The following AOAH variants were observed in gnomAD, a reference collection of about 807,000 sequenced individuals.
AOAH encodes acyloxyacyl hydrolase (neutrophil).
Under a neutral mutation model 92.2 loss-of-function variants are expected in AOAH, and 64 were observed. That is an observed-to-expected ratio of 0.69 (90% CI 0.57 to 0.86). The LOEUF (loss-of-function observed/expected upper bound fraction) is 0.86, where lower values mean the gene tolerates loss of function less well. AOAH is among the 40% of genes least tolerant of loss of function. The probability of loss-of-function intolerance (pLI) is 0.00; values close to 1 mark genes in which losing one functional copy is unlikely to be tolerated. For synonymous variants in AOAH, 263 were observed against 254.5 expected (o/e 1.03, Z -0.32); for missense variants, 656 against 694.6 (o/e 0.94, Z 0.62).
rs74489494 is a variant in AOAH at position 36,548,821 on chromosome 7, T to C, written c.1059-135A>G. On this transcript the variant is annotated intron_variant, in intron 14 of 20. Transcript: ENST00000617537. ...GCAACTTTTTGCTATTTTTCTTTCA[T>C]TCTAGTACAGCCAACCACCATTCCC... is the stretch of plus-strand genomic sequence containing the variant. 3,581 of 666,314 alleles carry C rather than the reference T, an allele frequency of 5.4e-3. 81 individuals are homozygous for C. In the African/African-American group the frequency reaches 0.056, roughly 10 times the overall value. 41.3% of individuals were successfully genotyped at this position (666,314 alleles called of 1,614,324 possible). A position where few individuals can be genotyped will look rare whatever the true frequency, so the allele number is the denominator to read the frequency against.
chr7:36,691,948 G>C (rs1419620855), intron 1 of AOAH, among the ~76,000 whole-genome samples: 2 of 152,196 alleles, frequency 1.3e-5, no homozygotes, highest in Non-Finnish European at 2.9e-5. Flanking sequence ...TCAGCCAGCA[G>C]ATCACCTAGA....
intron 20 of AOAH, 120 bp from the exon 21 acceptor site, chr7:36,513,500 C>T: frequency 1.1e-6 from 1 of 946,910 alleles, no homozygotes; most frequent in Admixed American, 2.5e-5. Flanking sequence ...GACTCCCACC[C>T]CCATGTCTCT....
chr7:36,553,990 A>G (rs1238092576), intron 13 of AOAH, among the ~76,000 whole-genome samples: 2 of 152,034 alleles, frequency 1.3e-5, no homozygotes, highest in Admixed American at 6.6e-5. Context: ...TAGTTTAATT[A>G]GATCCCATTT....
At chr7:36,527,215 G>A (rs1235664313) in intron 19 of AOAH, among the ~76,000 whole-genome samples, 1 of 152,154 alleles carries the variant, frequency 6.6e-6, no homozygotes, top group Admixed American at 6.5e-5. Context: ...CTGTCAGGGT[G>A]GAAAATGAAT....
At chr7:36,635,603 G>GTAAC (rs1323215985) in intron 5 of AOAH, among the ~76,000 whole-genome samples, 5 of 152,204 alleles carry the variant, frequency 3.3e-5, no homozygotes, top group Non-Finnish European at 5.9e-5. Context: ...GCTGTCATTT[G>GTAAC]TAACTGCACA....
At chr7:36,632,139 G>A (rs959046753) in intron 5 of AOAH, 33 bp from the exon 6 acceptor site, 1 of 1,571,214 alleles carries the variant, frequency 6.4e-7, no homozygotes, top group Non-Finnish European at 8.7e-7. Flanking sequence ...AAAGAGAGTT[G>A]TTTAGTTTAA....
chr7:36,571,913 GA>G (rs1788172855), intron 13 of AOAH, among the ~76,000 whole-genome samples: 1 of 152,104 alleles, frequency 6.6e-6, no homozygotes, highest in Non-Finnish European at 1.5e-5. Flanking sequence ...CAAATATACA[GA>G]TAGATAGAAG....
At chr7:36,544,660 A>G (rs1039480106) in intron 15 of AOAH, among the ~76,000 whole-genome samples, 3 of 152,038 alleles carry the variant, frequency 2.0e-5, no homozygotes, top group African/African-American at 4.8e-5. Flanking sequence ...CACACATGTC[A>G]GAAACAAATG....
chr7:36,591,764 A>G (rs1200554473), intron 12 of AOAH, among the ~76,000 whole-genome samples: 1 of 152,178 alleles, frequency 6.6e-6, no homozygotes, highest in African/African-American at 2.4e-5. Context: ...ACTCAAAATG[A>G]CTGAACAGAG....
chr7:36,589,323 C>T (rs966961870), intron 12 of AOAH, among the ~76,000 whole-genome samples: 2 of 152,142 alleles, frequency 1.3e-5, no homozygotes, highest in African/African-American at 4.8e-5. Flanking sequence ...GCCTGTCAAG[C>T]ACTCAATATC....
intron 19 of AOAH, among the ~76,000 whole-genome samples, chr7:36,527,470 T>G (rs1338088273): frequency 6.6e-6 from 1 of 152,160 alleles, no homozygotes; most frequent in Non-Finnish European, 1.5e-5. Flanking sequence ...TGGTAATGGA[T>G]GCATTTCTAC....
At chr7:36,553,799 T>C (rs1786468853) in intron 13 of AOAH, among the ~76,000 whole-genome samples, 1 of 152,236 alleles carries the variant, frequency 6.6e-6, no homozygotes, top group Non-Finnish European at 1.5e-5. Flanking sequence ...GAAGTGTCTG[T>C]TCATATCCTT....
intron 1 of AOAH, among the ~76,000 whole-genome samples, chr7:36,698,484 A>ATTC (rs1797845693): frequency 6.6e-6 from 1 of 151,528 alleles, no homozygotes; most frequent in Admixed American, 6.6e-5. Context: ...TTGGCTTTGG[A>ATTC]TTCTTCATTT....
At chr7:36,604,284 T>G (rs1790822244) in intron 11 of AOAH, among the ~76,000 whole-genome samples, 2 of 152,176 alleles carry the variant, frequency 1.3e-5, no homozygotes, top group South Asian at 4.1e-4. Flanking sequence ...GGATACTTGG[T>G]GTTTGGTAAG....
intron 16 of AOAH, among the ~76,000 whole-genome samples, chr7:36,535,679 G>C (rs1785012491): frequency 6.6e-6 from 1 of 152,108 alleles, no homozygotes; most frequent in African/African-American, 2.4e-5. Context: ...CATCCTCATG[G>C]GCACTCGGCA....
intron 4 of AOAH, among the ~76,000 whole-genome samples, chr7:36,639,041 C>T (rs915498232): frequency 6.6e-6 from 1 of 152,208 alleles, no homozygotes; most frequent in African/African-American, 2.4e-5. Context: ...TGTGCTCCAA[C>T]TGCACCCAGT....
intron 1 of AOAH, among the ~76,000 whole-genome samples, chr7:36,700,063 G>A (rs540158802): frequency 3.3e-5 from 5 of 151,862 alleles, no homozygotes; most frequent in South Asian, 2.1e-4. Flanking sequence ...GTTCTTTCCC[G>A]GTTGTATGTT....
chr7:36,576,961 A>G (rs1162814650), intron 12 of AOAH, among the ~76,000 whole-genome samples: 1 of 149,820 alleles, frequency 6.7e-6, no homozygotes, highest in East Asian at 2.0e-4. Flanking sequence ...GCTGCTGTAC[A>G]TTTCTTGAGC....
intron 1 of AOAH, among the ~76,000 whole-genome samples, chr7:36,715,620 A>T: frequency 6.7e-6 from 1 of 149,672 alleles, no homozygotes; most frequent in Admixed American, 6.7e-5. Context: ...CTGGTACCAA[A>T]ACAGAGATAT....
Sources: allele counts gnomAD v4.1 joint callset (sites outside exome capture counted in the v4.1 genomes callset), GRCh38; gene constraint gnomAD v4.1.1; transcripts MANE v1.5; gene names NCBI Gene and HGNC (gene_info 2026-07-23, HGNC 2026-07-21).